Variants in SYNE2 observed in about 807,000 individuals in gnomAD.
SYNE2 encodes nesprin-2.
A neutral mutation model predicts 856.3 loss-of-function variants in SYNE2; 431 were observed. The ratio of observed to expected loss-of-function variants is 0.50; its 90% CI spans 0.47 to 0.55. The LOEUF is 0.55. Among genes scored for constraint, SYNE2 ranks in the 20% least tolerant of loss-of-function variants. The pLI is 0.00. For synonymous variants in SYNE2, 2,923 were observed against 2,872.3 expected, an observed-to-expected ratio of 1.02 and a Z score of -0.56; for missense variants, 8,129 against 8,023.2, an observed-to-expected ratio of 1.01 and a Z score of -0.50.
At chr14:64,174,886 C>A in intron 94 of SYNE2, 58 bp from the exon 95 acceptor site, 1 of 1,505,340 alleles carries the variant, frequency 6.6e-7, no homozygotes, top group Non-Finnish European at 9.2e-7. Flanking sequence ...CAGGCACACA[C>A]AATCACATTT....
chr14:64,222,013 T>C (rs556293620), intron 112 of SYNE2, among the ~76,000 whole-genome samples: 5 of 152,328 alleles, frequency 3.3e-5, no homozygotes, highest in Admixed American at 2.0e-4. Context: ...ATCCTGCTCA[T>C]TGGGGAGAAA....
In SYNE2 at chr14:63,970,651, C is replaced by CTTTTTTTTTTTTTTTTTTTTTTTTTTTT. The variant is rs61126600; in HGVS notation, c.1128+2825_1128+2826insTTTTTTTTTTTTTTTTTTTTTTTTTTTT. Among the ~76,000 whole-genome samples, 156 of 98,896 alleles carry CTTTTTTTTTTTTTTTTTTTTTTTTTTTT rather than the reference C, an allele frequency of 1.6e-3. 1 individual carries two copies. The highest frequency in any genetic ancestry group is 2.3e-3 in the Non-Finnish European group (120 of 52,516). 64.9% of individuals were successfully genotyped at this position (98,896 alleles called of 152,430 possible). ...TTCTGTCTTTTTTCTTTTCTTTTTT[C>CTTTTTTTTTTTTTTTTTTTTTTTTTTTT]TTTTTTTTTTTTTTTTTTTTGAGAT... On this transcript the variant is annotated intron_variant, in intron 11 of 115. Transcript: ENST00000555002.
intron 1 of SYNE2, among the ~76,000 whole-genome samples, chr14:63,871,557 A>G (rs1347051782): frequency 6.6e-6 from 1 of 151,696 alleles, no homozygotes; most frequent in Admixed American, 6.6e-5. Flanking sequence ...TTTCCTTAAC[A>G]TTCTAGTATG....
At chr14:64,183,516 CG>C (rs920040815) in intron 96 of SYNE2, among the ~76,000 whole-genome samples, 4 of 139,840 alleles carry the variant, frequency 2.9e-5, no homozygotes, top group Non-Finnish European at 6.3e-5. Flanking sequence ...GACAGGGTGG[CG>C]GCCGGGCAGA....
At chr14:64,014,992 C>CAT (rs1358240677) in intron 32 of SYNE2, among the ~76,000 whole-genome samples, 2 of 132,068 alleles carry the variant, frequency 1.5e-5, no homozygotes, top group African/African-American at 6.0e-5. Flanking sequence ...CACACACACA[C>CAT]ATATATAAAT....
At chr14:64,056,665 T>C (rs963181524) in intron 49 of SYNE2, among the ~76,000 whole-genome samples, 2 of 115,560 alleles carry the variant, frequency 1.7e-5, no homozygotes, top group Non-Finnish European at 3.9e-5. Context: ...TTCCTGACTT[T>C]TGTTGTACTT....
chr14:64,119,190 C>T (rs1285664054), intron 66 of SYNE2, among the ~76,000 whole-genome samples: 1 of 152,192 alleles, frequency 6.6e-6, no homozygotes, highest in Non-Finnish European at 1.5e-5. Context: ...ACTATAGAGT[C>T]ATTTACTTAA....
At chr14:63,822,511 A>G (rs971194446) in intron 1 of SYNE2, among the ~76,000 whole-genome samples, 1 of 151,232 alleles carries the variant, frequency 6.6e-6, no homozygotes, top group African/African-American at 2.4e-5. Context: ...TGCCTGAGGC[A>G]GTGATACCAG....
chr14:63,974,796 G>GTA (rs2096519205), intron 11 of SYNE2, among the ~76,000 whole-genome samples: 1 of 130,916 alleles, frequency 7.6e-6, no homozygotes, highest in Non-Finnish European at 1.6e-5. Flanking sequence ...ATATATATGT[G>GTA]TATATATGTG....
At chr14:64,018,645 C>T (rs986729537) in intron 34 of SYNE2, among the ~76,000 whole-genome samples, 8 of 152,070 alleles carry the variant, frequency 5.3e-5, no homozygotes, top group African/African-American at 1.9e-4. Flanking sequence ...TTGAAAACAG[C>T]GAGAGACAAT....
rs794727012 is a variant in SYNE2, at chr14:64,215,362, C to T, written c.19402+8C>T. ...CTTTGAAAGCGTCTTCTGGTAGGCC[C>T]CCGCCCATGCATGTGTCAACATGGC... On this transcript the variant is annotated splice_region_variant and intron_variant, in intron 107 of 115. Coordinates refer to ENST00000555002, the MANE Select transcript of SYNE2 (RefSeq NM_182914.3). 2.5e-6 allele frequency: 4 copies of T among 1,613,776 alleles called. No homozygotes were observed. Among genetic ancestry groups the T allele is most frequent in the East Asian group, 2.2e-5 (1 of 44,892 alleles).
intron 113 of SYNE2, among the ~76,000 whole-genome samples, chr14:64,224,179 T>C (rs2140474546): frequency 1.4e-5 from 1 of 70,308 alleles, no homozygotes; most frequent in African/African-American, 1.4e-4. Context: ...ATCCCGTCTC[T>C]GCAAAAAAAA....
At chr14:63,831,984 G>C (rs977678819) in intron 1 of SYNE2, among the ~76,000 whole-genome samples, 1 of 151,828 alleles carries the variant, frequency 6.6e-6, no homozygotes, top group Non-Finnish European at 1.5e-5. Flanking sequence ...ACTGTGTTTA[G>C]ATTTTTCAGT....
chr14:63,777,075 A>T (rs1356243165), intron 1 of SYNE2, among the ~76,000 whole-genome samples: 1 of 152,264 alleles, frequency 6.6e-6, no homozygotes, highest in Non-Finnish European at 1.5e-5. Context: ...ACAAAATCAC[A>T]TACAGCAGCC....
At chr14:63,990,640 AG>A in intron 20 of SYNE2, 71 bp downstream of exon 20, 3 of 1,347,128 alleles carry the variant, frequency 2.2e-6, no homozygotes, top group Non-Finnish European at 3.2e-6. Flanking sequence ...TGGGCAGTGA[AG>A]GGGGGTGATA....
chr14:64,161,162 G>A (rs901200012), intron 87 of SYNE2, among the ~76,000 whole-genome samples: 4 of 152,018 alleles, frequency 2.6e-5, no homozygotes, highest in African/African-American at 7.2e-5. Flanking sequence ...TGGGTAGCAT[G>A]GTGAAACCCC....
intron 45 of SYNE2, among the ~76,000 whole-genome samples, chr14:64,040,559 TAA>T (rs1210034361): frequency 6.7e-6 from 1 of 149,712 alleles, no homozygotes; most frequent in Non-Finnish European, 1.5e-5. Context: ...CCAACATCTA[TAA>T]AGAGACATAT....
intron 8 of SYNE2, chr14:63,960,591 T>C (rs932904390): frequency 8.7e-6 from 5 of 577,768 alleles, no homozygotes; most frequent in Non-Finnish European, 1.6e-5. Context: ...ACTTAATTAA[T>C]AAATAAACAG....
intron 97 of SYNE2, among the ~76,000 whole-genome samples, chr14:64,187,495 G>GTA (rs2098498140): frequency 6.6e-6 from 1 of 152,172 alleles, no homozygotes; most frequent in Non-Finnish European, 1.5e-5. Context: ...CAATCAGAAT[G>GTA]ACAATGTGCA....
Sources: allele counts gnomAD v4.1 joint callset (sites outside exome capture counted in the v4.1 genomes callset), GRCh38; gene constraint gnomAD v4.1.1; transcripts MANE v1.5; gene names NCBI Gene and HGNC (gene_info 2026-07-23, HGNC 2026-07-21).